Variants in CRYBG1 observed in about 807,000 individuals in gnomAD.
CRYBG1 encodes the protein beta/gamma crystallin domain-containing protein 1.
In CRYBG1, 139 loss-of-function variants were observed where a neutral mutation model predicts 189.2. That is an observed-to-expected ratio of 0.73 (90% CI 0.64 to 0.85). The LOEUF (loss-of-function observed/expected upper bound fraction) is 0.85. Among genes scored for constraint, CRYBG1 ranks in the 40% least tolerant of loss-of-function variants. The probability of loss-of-function intolerance (pLI) is 0.00; values close to 1 mark genes in which losing one functional copy is unlikely to be tolerated. For synonymous variants in CRYBG1, 1,023 were observed against 1,017.1 expected, an observed-to-expected ratio of 1.01 and a Z score of -0.11; for missense variants, 2,611 against 2,675.8, an observed-to-expected ratio of 0.98 and a Z score of 0.53.
chr6:106,434,769 C>G (rs1771424477), intron 1 of CRYBG1, among the ~76,000 whole-genome samples: 1 of 152,190 alleles, frequency 6.6e-6, no homozygotes, highest in African/African-American at 2.4e-5. Flanking sequence ...GGTGGTGTGC[C>G]AGAGTTGGCC....
At chr6:106,442,587 T>C (rs1771584620) in intron 1 of CRYBG1, among the ~76,000 whole-genome samples, 1 of 152,206 alleles carries the variant, frequency 6.6e-6, no homozygotes, top group Admixed American at 6.6e-5. Context: ...AAGCTTTATA[T>C]TGACATTATT....
chr6:106,552,281 T>C (rs1774420779), intron 15 of CRYBG1, 65 bp downstream of exon 15: 11 of 1,189,194 alleles, frequency 9.2e-6, no homozygotes, highest in South Asian at 3.1e-5. Flanking sequence ...GCTGAACTTA[T>C]GTTTCAAATG....
In CRYBG1 at chr6:106,411,510, G is replaced by A. The variant is rs139463062; in HGVS notation, c.174-40184G>A. 6.8e-3 allele frequency among the ~76,000 whole-genome samples: 1,038 copies of A among 152,194 alleles called. 15 individuals are homozygous for A. Among genetic ancestry groups the A allele is most frequent in the African/African-American group, 0.023 (971 of 41,534 alleles). Reference sequence around the variant, plus strand: ...TCTTGAGTTTTAAATTATTGTTTTTGTCACTCTTCACACTTTGTCACCAGG... The same window carrying A: ...TCTTGAGTTTTAAATTATTGTTTTTATCACTCTTCACACTTTGTCACCAGG... On this transcript the variant is annotated intron_variant, in intron 1 of 21. Transcript: ENST00000633556.
At chr6:106,367,204 T>C (rs1019801747) in intron 1 of CRYBG1, among the ~76,000 whole-genome samples, 1 of 152,222 alleles carries the variant, frequency 6.6e-6, no homozygotes, top group African/African-American at 2.4e-5. Context: ...CTCTCCATAA[T>C]CAAGTGGCAG....
chr6:106,560,076 AGAGT>A (rs1180766266), intron 18 of CRYBG1, among the ~76,000 whole-genome samples: 1 of 152,200 alleles, frequency 6.6e-6, no homozygotes, highest in Non-Finnish European at 1.5e-5. Flanking sequence ...CCTGGGCAAC[AGAGT>A]GAGACCTACC....
intron 1 of CRYBG1, among the ~76,000 whole-genome samples, chr6:106,364,441 T>C (rs78836903): frequency 0.032 from 4,876 of 152,374 alleles, 179 homozygotes; most frequent in East Asian, 0.16. Flanking sequence ...ATAGACATTC[T>C]AATCAATTAT....
At chr6:106,469,404 T>C (rs896401523) in intron 2 of CRYBG1, among the ~76,000 whole-genome samples, 1 of 152,258 alleles carries the variant, frequency 6.6e-6, no homozygotes, top group Admixed American at 6.5e-5. Flanking sequence ...GAGATTTTTG[T>C]CTCTTTTGTT....
At chr6:106,380,673 T>C (rs1770268329) in intron 1 of CRYBG1, among the ~76,000 whole-genome samples, 2 of 152,226 alleles carry the variant, frequency 1.3e-5, no homozygotes, top group Admixed American at 6.5e-5. Context: ...CACTTGACTT[T>C]CTTGAGGCTT....
At chr6:106,375,015 T>TG (rs946842057) in intron 1 of CRYBG1, among the ~76,000 whole-genome samples, 79 of 151,676 alleles carry the variant, frequency 5.2e-4, no homozygotes, top group East Asian at 9.7e-4. Flanking sequence ...CATATTGAGG[T>TG]GGGGGGGGCA....
At position 106,546,759 on chromosome 6, in the gene CRYBG1, C is replaced by A. The variant is rs567356204; in HGVS notation, c.5312+1826C>A. Among the ~76,000 whole-genome samples, 4 of 152,280 alleles carry A rather than the reference C, an allele frequency of 2.6e-5. No homozygotes were observed. The South Asian group carries it at 8.3e-4, about 32-fold the overall frequency. ...CAAGTTATCTGAAATGTTGCTGGGG[C>A]TCTGCAGTATTTTAGATTGTCTTTA... On this transcript the variant is annotated intron_variant, in intron 13 of 21. Transcript: ENST00000633556.
intron 1 of CRYBG1, among the ~76,000 whole-genome samples, chr6:106,361,844 A>C (rs1164364721): frequency 6.6e-6 from 1 of 152,116 alleles, no homozygotes; most frequent in Non-Finnish European, 1.5e-5. Context: ...ATTTATAGTG[A>C]TGGACAATTG....
At chr6:106,482,562 T>G (rs1338594975) in intron 2 of CRYBG1, among the ~76,000 whole-genome samples, 3 of 152,020 alleles carry the variant, frequency 2.0e-5, no homozygotes, top group Non-Finnish European at 4.4e-5. Flanking sequence ...AATCACAAGG[T>G]CAGGAGATCG....
At chr6:106,548,850 G>C (rs572071908) in intron 13 of CRYBG1, among the ~76,000 whole-genome samples, 2 of 150,148 alleles carry the variant, frequency 1.3e-5, no homozygotes, top group African/African-American at 4.9e-5. Flanking sequence ...CCATTAACTC[G>C]TCATCTAGCA....
Position 106,519,734 on chromosome 6 carries a change from G to A in CRYBG1, c.2526G>A (p.Val842=). The part of the protein sequence containing the change: ...TDTAQDIPTT[V]DTKDLPPTAM... ...CAGCACAAGACATCCCCACCACTGTGGATACCAAAGATTTACCTCCAACGG... is the reference window on the plus strand; with the variant it reads ...CAGCACAAGACATCCCCACCACTGTAGATACCAAAGATTTACCTCCAACGG... The change falls in exon 4 of 22, where the codon GTG becomes GTA. Residue 842 remains valine, a synonymous_variant. Coordinates refer to ENST00000633556, the MANE Select transcript of CRYBG1 (RefSeq NM_001371242.2). 6.2e-7 allele frequency: 1 copy of A among 1,614,132 alleles called. No individual in the cohort carries two copies. The highest frequency in any genetic ancestry group is 8.5e-7 in the Non-Finnish European group (1 of 1,180,032).
rs186232521 is a variant in CRYBG1, at chr6:106,424,981, C to T, written c.174-26713C>T. On this transcript the variant is annotated intron_variant, in intron 1 of 21. Coordinates refer to ENST00000633556, the MANE Select transcript of CRYBG1 (RefSeq NM_001371242.2). ...ATCCCGCAGACTCTCTGAGGTGCCTCCTTTCTCTGAGCAAAACCTGTACCT... is the reference window on the plus strand; with the variant it reads ...ATCCCGCAGACTCTCTGAGGTGCCTTCTTTCTCTGAGCAAAACCTGTACCT... Among the ~76,000 whole-genome samples, 6 of 152,296 alleles carry T rather than the reference C, an allele frequency of 3.9e-5. No homozygotes were observed. In the East Asian group the frequency reaches 1.2e-3, roughly 29 times the overall value.
chr6:106,367,799 C>CAA (rs68107811), intron 1 of CRYBG1, among the ~76,000 whole-genome samples: 1 of 137,010 alleles, frequency 7.3e-6, no homozygotes, highest in African/African-American at 2.7e-5. Flanking sequence ...CCTGCTTATC[C>CAA]AAAAAAAAAA....
intron 2 of CRYBG1, among the ~76,000 whole-genome samples, chr6:106,492,325 G>T (rs1184013638): frequency 6.6e-6 from 1 of 151,996 alleles, no homozygotes; most frequent in Non-Finnish European, 1.5e-5. Flanking sequence ...GTGCAGGTTG[G>T]GTTAATAGAA....
chr6:106,381,504 T>A (rs1434032952), intron 1 of CRYBG1, among the ~76,000 whole-genome samples: 1 of 152,094 alleles, frequency 6.6e-6, no homozygotes, highest in African/African-American at 2.4e-5. Flanking sequence ...CTTAGGTGAG[T>A]TCAGCTAGAA....
chr6:106,519,978 C>T lies in CRYBG1; in HGVS notation c.2770C>T (p.Pro924Ser). ...GTCTCGTCAGAACAATGAGAAAATG[C>T]CACTTTTAGAACTTGGAGGAGAAAC... The part of the protein sequence containing the change: ...PVSRQNNEKM[P>S]LLELGGETTP... Residue 924 changes from proline (P) to serine (S), a missense_variant, in exon 4 of 22, where the codon CCA (proline) becomes TCA (serine). Coordinates refer to ENST00000633556, the MANE Select transcript of CRYBG1 (RefSeq NM_001371242.2). 6.2e-7 allele frequency: 1 copy of T among 1,614,126 alleles called. No homozygotes were observed. The highest frequency in any genetic ancestry group is 2.2e-5 in the East Asian group (1 of 44,876).
Sources: allele counts gnomAD v4.1 joint callset (sites outside exome capture counted in the v4.1 genomes callset), GRCh38; gene constraint gnomAD v4.1.1; transcripts MANE v1.5; gene names NCBI Gene and HGNC (gene_info 2026-07-23, HGNC 2026-07-21).